The following PTPRQ variants were observed in gnomAD, a reference collection of about 807,000 sequenced individuals.
The protein encoded by PTPRQ is protein tyrosine phosphatase receptor type Q, also known as phosphatidylinositol phosphatase PTPRQ.
PTPRQ carries 199 observed loss-of-function variants against 246.0 expected under a neutral mutation model. The observed-to-expected ratio is 0.81, with a 90% CI of 0.72 to 0.91. PTPRQ has a LOEUF of 0.91. PTPRQ is among the 40% of genes least tolerant of loss of function. PTPRQ has a pLI of 0.00. For missense variants in PTPRQ, 2,624 were observed against 2,528.4 expected (o/e 1.04, Z -0.81); for synonymous variants, 869 against 853.2 (o/e 1.02, Z -0.32).
intron 26 of PTPRQ, chr12:80,593,745 G>A (rs1354826748): frequency 6.6e-6 from 1 of 152,044 alleles, no homozygotes; most frequent in African/African-American, 2.4e-5. Flanking sequence ...AGCAGTTTGA[G>A]TGGTGTGTGT....
At chr12:80,663,408 C>T (rs1182032594) in intron 39 of PTPRQ, among the ~76,000 whole-genome samples, 2 of 151,874 alleles carry the variant, frequency 1.3e-5, no homozygotes, top group Non-Finnish European at 2.9e-5. Context: ...TGCATACCCT[C>T]CCGTACGTAC....
intron 30 of PTPRQ, among the ~76,000 whole-genome samples, chr12:80,617,476 ACTT>A (rs1220921411): frequency 5.9e-5 from 9 of 151,500 alleles, no homozygotes; most frequent in Non-Finnish European, 1.2e-4. Flanking sequence ...TCACAAAATG[ACTT>A]CACAAAGAAT....
At chr12:80,543,625 A>C (rs550791459) in intron 23 of PTPRQ, among the ~76,000 whole-genome samples, 1 of 152,274 alleles carries the variant, frequency 6.6e-6, no homozygotes, top group African/African-American at 2.4e-5. Context: ...ATTTTACTCA[A>C]TATTATGAGT....
chr12:80,513,959 G>C (rs1452019457), intron 17 of PTPRQ, among the ~76,000 whole-genome samples: 1 of 152,096 alleles, frequency 6.6e-6, no homozygotes, highest in Non-Finnish European at 1.5e-5. Context: ...TCTGCTAGAG[G>C]AGCCCTTACA....
intron 25 of PTPRQ, among the ~76,000 whole-genome samples, chr12:80,573,176 TC>T (rs1565794263): frequency 6.6e-6 from 1 of 152,178 alleles, no homozygotes; most frequent in Non-Finnish European, 1.5e-5. Context: ...ATAGAACTAC[TC>T]ATACTTTCTT....
chr12:80,518,709 C>T (rs1212464120), intron 17 of PTPRQ, among the ~76,000 whole-genome samples: 1 of 152,118 alleles, frequency 6.6e-6, no homozygotes, highest in Non-Finnish European at 1.5e-5. Flanking sequence ...ATCCAGTTTT[C>T]CCAGCACCAT....
intron 25 of PTPRQ, among the ~76,000 whole-genome samples, chr12:80,586,357 C>T (rs1401847661): frequency 6.6e-6 from 1 of 151,192 alleles, no homozygotes; most frequent in East Asian, 1.9e-4. Flanking sequence ...TACCATCTCA[C>T]ACCAGTTAGA....
rs866504414 is a variant in PTPRQ, at chr12:80,460,815, C to A, written c.823C>A (p.Pro275Thr). 2.5e-6 allele frequency: 1 copy of A among 400,652 alleles called. No homozygotes were observed. The highest frequency in any genetic ancestry group is 4.4e-6 in the Non-Finnish European group (1 of 226,202). 24.8% of individuals were successfully genotyped at this position (400,652 alleles called of 1,614,324 possible). The change falls in exon 6 of 45, where the codon CCT becomes ACT. Residue 275 changes from proline to threonine, a missense_variant. By Grantham distance (38) the Pro-to-Thr change is conservative. Coordinates refer to ENST00000644991, the MANE Select transcript of PTPRQ (RefSeq NM_001145026.2). ...PISFVVTHLR[P>T]YTTYLFEVSA... Reference sequence around the variant, plus strand: ...CAGTTTTGTAGTGACACACTTGAGACCTTATACAACATATCTTTTTGAAGT... The same window carrying A: ...CAGTTTTGTAGTGACACACTTGAGAACTTATACAACATATCTTTTTGAAGT...
At chr12:80,511,495 C>T (rs1023559636) in intron 17 of PTPRQ, among the ~76,000 whole-genome samples, 1 of 152,140 alleles carries the variant, frequency 6.6e-6, no homozygotes, top group African/African-American at 2.4e-5. Flanking sequence ...AGAAGACTCA[C>T]ATAAGACCGT....
chr12:80,554,753 T>C (rs1918957), intron 25 of PTPRQ, among the ~76,000 whole-genome samples: 18,327 of 152,114 alleles, frequency 0.12, 1,652 homozygotes, highest in African/African-American at 0.24. Flanking sequence ...ATCATCATCA[T>C]CATTTTAGAG....
At chr12:80,513,482 GTGTGCCCGTTAGGGT>G (rs1045626644) in intron 17 of PTPRQ, among the ~76,000 whole-genome samples, 7 of 152,300 alleles carry the variant, frequency 4.6e-5, no homozygotes, top group African/African-American at 1.7e-4. Flanking sequence ...CCGCTTGTGT[GTGTGCCCGTTAGGGT>G]CTTGGGATTT....
At chr12:80,471,857 C>T (rs1408720731) in intron 7 of PTPRQ, among the ~76,000 whole-genome samples, 2 of 151,944 alleles carry the variant, frequency 1.3e-5, no homozygotes, top group Non-Finnish European at 2.9e-5. Flanking sequence ...TTCAAAAAGG[C>T]TTTATGATTT....
At chr12:80,618,711 G>A (rs1898861202) in intron 30 of PTPRQ, among the ~76,000 whole-genome samples, 1 of 151,488 alleles carries the variant, frequency 6.6e-6, no homozygotes, top group South Asian at 2.1e-4. Context: ...TAAATATGAT[G>A]CAGCTGCACC....
chr12:80,558,007 G>A (rs1226878134), intron 25 of PTPRQ, among the ~76,000 whole-genome samples: 1 of 151,568 alleles, frequency 6.6e-6, no homozygotes, highest in African/African-American at 2.4e-5. Flanking sequence ...ATTCAACCAA[G>A]TTTTTTTGTG....
At chr12:80,677,447 T>C (rs887147301) in intron 43 of PTPRQ, among the ~76,000 whole-genome samples, 6 of 152,238 alleles carry the variant, frequency 3.9e-5, no homozygotes, top group African/African-American at 1.4e-4. Flanking sequence ...TTGAATTTTC[T>C]TTAAATTACA....
intron 43 of PTPRQ, among the ~76,000 whole-genome samples, chr12:80,675,152 C>T (rs1901095444): frequency 6.6e-6 from 1 of 152,070 alleles, no homozygotes; most frequent in African/African-American, 2.4e-5. Flanking sequence ...TGACCAGGGC[C>T]AGCTTCATGG....
chr12:80,506,144 A>G lies in PTPRQ; in HGVS notation c.2393A>G (p.Lys798Arg). The change falls in exon 15 of 45, where the codon AAG becomes AGG. Residue 798 changes from lysine (K) to arginine (R), a missense_variant. Coordinates refer to ENST00000644991, the MANE Select transcript of PTPRQ (RefSeq NM_001145026.2). ...GIIQKYTIYL[K>R]RSNGNEERTI... ...ATACAAAAATATACAATTTATCTCA[A>G]GAGAAGTAATGGAAATGAGGAAAGA... 1.3e-6 allele frequency: 2 copies of G among 1,535,910 alleles called. No homozygotes were observed. The highest frequency in any genetic ancestry group is 1.3e-5 in the South Asian group (1 of 78,926).
chr12:80,610,713 T>G (rs1592714938), intron 28 of PTPRQ, 88 bp downstream of exon 28: 2 of 1,462,144 alleles, frequency 1.4e-6, no homozygotes, highest in Non-Finnish European at 1.8e-6. Context: ...AAAAAGGATA[T>G]GTGTTATGAG....
intron 25 of PTPRQ, among the ~76,000 whole-genome samples, chr12:80,552,627 C>A (rs1234004292): frequency 2.4e-5 from 1 of 41,256 alleles, no homozygotes; most frequent in Admixed American, 3.6e-4. Context: ...AGGTCCAGGT[C>A]TTTGTAAAAA....
Sources: gnomAD v4.1 joint callset for allele counts (sites outside exome capture counted in the v4.1 genomes callset) on GRCh38, gnomAD v4.1.1 for gene constraint, MANE v1.5 for transcripts, NCBI Gene and HGNC (gene_info 2026-07-23, HGNC 2026-07-21) for gene names.